Variants in HELLS observed in about 807,000 individuals in gnomAD.
HELLS encodes helicase, lymphoid specific.
In HELLS, 32 loss-of-function variants were observed where a neutral mutation model predicts 120.0. That is an observed-to-expected ratio of 0.27 (90% CI 0.20 to 0.36). HELLS has a LOEUF of 0.36. Ranked by LOEUF, HELLS falls within the 10% of genes least tolerant of loss-of-function variation. HELLS has a pLI of 1.00. For synonymous variants in HELLS, 341 were observed against 323.4 expected (o/e 1.05, Z -0.58); for missense variants, 650 against 993.4 (o/e 0.65, Z 4.65).
Position 94,551,900 on chromosome 10 carries a change from C to T in HELLS, c.154-2226C>T, listed in dbSNP as rs190778115. 1.6e-3 allele frequency among the ~76,000 whole-genome samples: 247 copies of T among 152,078 alleles called. 3 individuals are homozygous for T. Among genetic ancestry groups the T allele is most frequent in the African/African-American group, 5.6e-3 (234 of 41,510 alleles). On this transcript the variant is annotated intron_variant, in intron 2 of 21. Coordinates refer to ENST00000348459, the MANE Select transcript of HELLS (RefSeq NM_018063.5). ...GACTACAGGCGCCTGCAACCACACG[C>T]GGCTAATTTTTTGTATTTTTAGTAG...
intron 13 of HELLS, among the ~76,000 whole-genome samples, chr10:94,588,912 C>T (rs553371663): frequency 8.0e-4 from 122 of 152,174 alleles, no homozygotes; most frequent in Non-Finnish European, 1.4e-3. Context: ...TTTGAGAGGC[C>T]GAGGCGGGTG....
At chr10:94,558,035 C>A in intron 3 of HELLS, 104 bp from the exon 4 acceptor site, 4 of 1,393,314 alleles carry the variant, frequency 2.9e-6, no homozygotes, top group Non-Finnish European at 3.8e-6. Flanking sequence ...TTATGATAGA[C>A]CTTAGTTTCT....
At chr10:94,585,317 C>T (rs1272764253) in intron 12 of HELLS, among the ~76,000 whole-genome samples, 1 of 147,078 alleles carries the variant, frequency 6.8e-6, no homozygotes, top group Non-Finnish European at 1.5e-5. Context: ...TCCTTCTGCA[C>T]TTCCTTTCTT....
At chr10:94,548,760 G>A (rs1202880450) in intron 2 of HELLS, among the ~76,000 whole-genome samples, 1 of 152,074 alleles carries the variant, frequency 6.6e-6, no homozygotes, top group East Asian at 1.9e-4. Flanking sequence ...TTGGGAGGCC[G>A]AGGCGGGTGG....
In HELLS at chr10:94,588,341, A is replaced by T. The variant is rs1396007773; in HGVS notation, c.1439A>T (p.Tyr480Phe). 1 of 1,612,744 alleles carries T rather than the reference A, an allele frequency of 6.2e-7. No homozygotes were observed. ...CTTTCAAAGAAGCAGGAGATCTTTT[A>T]TACAGCCATTGTGAACCGTACAATT... ...APLSKKQEIF[Y>F]TAIVNRTIAN... Residue 480 changes from tyrosine to phenylalanine, a missense_variant, in exon 13 of 22, where the codon TAT (tyrosine) becomes TTT (phenylalanine). Coordinates refer to ENST00000348459, the MANE Select transcript of HELLS (RefSeq NM_018063.5).
chr10:94,554,819 G>A (rs1468002626), intron 3 of HELLS, among the ~76,000 whole-genome samples: 7 of 152,086 alleles, frequency 4.6e-5, no homozygotes, highest in East Asian at 1.9e-4. Context: ...CAGTGGTCAC[G>A]ATTGAATCAA....
intron 10 of HELLS, among the ~76,000 whole-genome samples, chr10:94,579,605 G>T (rs138667754): frequency 1.3e-5 from 2 of 151,306 alleles, no homozygotes; most frequent in African/African-American, 4.9e-5. Context: ...CCTGTGGCAC[G>T]ATCTCAGCTC....
chr10:94,568,227 A>G (rs1843939282), intron 6 of HELLS, among the ~76,000 whole-genome samples: 1 of 150,378 alleles, frequency 6.6e-6, no homozygotes. Context: ...TTTTTTTTAA[A>G]GAGTAGCCTG....
chr10:94,574,458 CT>C, intron 8 of HELLS, 95 bp from the exon 9 acceptor site: 3 of 949,582 alleles, frequency 3.2e-6, no homozygotes, highest in Middle Eastern at 4.6e-4. Flanking sequence ...TAATTCTCAT[CT>C]TTGGGTGTGA....
chr10:94,548,979 G>A (rs936264148), intron 2 of HELLS, among the ~76,000 whole-genome samples: 4 of 151,986 alleles, frequency 2.6e-5, no homozygotes, highest in African/African-American at 9.7e-5. Flanking sequence ...GGGTGACAGA[G>A]CAAGATTCCG....
At chr10:94,567,691 A>C (rs779971858) in intron 6 of HELLS, among the ~76,000 whole-genome samples, 1 of 152,150 alleles carries the variant, frequency 6.6e-6, no homozygotes, top group Non-Finnish European at 1.5e-5. Context: ...GGATCACTTA[A>C]GCCCAGGAGT....
At chr10:94,594,474 C>A (rs1845648033) in intron 18 of HELLS, among the ~76,000 whole-genome samples, 1 of 152,158 alleles carries the variant, frequency 6.6e-6, no homozygotes, top group Non-Finnish European at 1.5e-5. Context: ...TCATCGTGCC[C>A]ATCCTGAAAT....
At chr10:94,567,470 G>A (rs1033311894) in intron 6 of HELLS, among the ~76,000 whole-genome samples, 1 of 152,036 alleles carries the variant, frequency 6.6e-6, no homozygotes, top group Non-Finnish European at 1.5e-5. Context: ...GGCAAATTTT[G>A]TATTTTTAGT....
intron 2 of HELLS, among the ~76,000 whole-genome samples, chr10:94,551,168 A>G (rs1321450488): frequency 1.3e-5 from 2 of 152,194 alleles, no homozygotes; most frequent in African/African-American, 2.4e-5. Flanking sequence ...AGGTGGGATT[A>G]TGGGTGATTT....
intron 13 of HELLS, among the ~76,000 whole-genome samples, chr10:94,589,909 G>C (rs542148234): frequency 6.6e-6 from 1 of 151,860 alleles, no homozygotes; most frequent in East Asian, 1.9e-4. Context: ...GGATGGTCTC[G>C]ATCTTCTGAC....
intron 6 of HELLS, among the ~76,000 whole-genome samples, chr10:94,568,703 A>G (rs1843965385): frequency 6.6e-6 from 1 of 152,246 alleles, no homozygotes; most frequent in African/African-American, 2.4e-5. Context: ...AATAAACAAA[A>G]TACAAGGAAA....
chr10:94,552,005 C>T (rs531149630), intron 2 of HELLS, among the ~76,000 whole-genome samples: 1 of 152,308 alleles, frequency 6.6e-6, no homozygotes, highest in African/African-American at 2.4e-5. Context: ...TCCCAAAGTG[C>T]TGGGATTACA....
At chr10:94,575,656 T>A (rs1460618079) in intron 9 of HELLS, among the ~76,000 whole-genome samples, 2 of 151,616 alleles carry the variant, frequency 1.3e-5, no homozygotes, top group African/African-American at 4.8e-5. Flanking sequence ...CTCCTGACCT[T>A]GTGATCCGCC....
intron 6 of HELLS, among the ~76,000 whole-genome samples, chr10:94,566,649 C>T (rs576000782): frequency 6.6e-6 from 1 of 150,430 alleles, no homozygotes; most frequent in South Asian, 2.1e-4. Context: ...CTTTCTTTTT[C>T]TTTTCTTTTT....
Sources: allele counts gnomAD v4.1 joint callset (sites outside exome capture counted in the v4.1 genomes callset), GRCh38; gene constraint gnomAD v4.1.1; transcripts MANE v1.5; gene names NCBI Gene and HGNC (gene_info 2026-07-23, HGNC 2026-07-21).